The following EYS variants were observed in gnomAD, a reference collection of about 807,000 sequenced individuals.
EYS encodes the protein protein eyes shut homolog.
In EYS, 250 loss-of-function variants were observed where a neutral mutation model predicts 282.1. That is an observed-to-expected ratio of 0.89 (90% confidence interval 0.80 to 0.98). The LOEUF is 0.98. Ranked by LOEUF, EYS falls within the 50% of genes least tolerant of loss-of-function variation. The pLI is 0.00. For missense variants in EYS, 4,016 were observed against 3,709.0 expected, an observed-to-expected ratio of 1.08 and a Z score of -2.15; for synonymous variants, 1,355 against 1,282.9, an observed-to-expected ratio of 1.06 and a Z score of -1.20.
chr6:64,129,256 C>T (rs886398536), intron 31 of EYS, among the ~76,000 whole-genome samples: 5 of 152,140 alleles, frequency 3.3e-5, no homozygotes, highest in African/African-American at 1.2e-4. Flanking sequence ...TAAAAGTGTT[C>T]CTATTTCTCC....
chr6:65,103,251 A>T (rs985966577), intron 12 of EYS, among the ~76,000 whole-genome samples: 1 of 151,504 alleles, frequency 6.6e-6, no homozygotes, highest in Non-Finnish European at 1.5e-5. Context: ...TAGAATGATC[A>T]GAGGTGTTAA....
chr6:64,106,971 G>T (rs114443515), intron 31 of EYS, among the ~76,000 whole-genome samples: 3,541 of 151,120 alleles, frequency 0.023, 124 homozygotes, highest in African/African-American at 0.081. Flanking sequence ...GCCCATAATG[G>T]CATCTTTCAT....
At chr6:64,708,016 A>G (rs866094320) in intron 22 of EYS, among the ~76,000 whole-genome samples, 1 of 147,820 alleles carries the variant, frequency 6.8e-6, no homozygotes, top group Admixed American at 6.7e-5. Flanking sequence ...TATACAGCAC[A>G]AAAAAAAACC....
chr6:65,516,805 C>G (rs1036031963), intron 2 of EYS, among the ~76,000 whole-genome samples: 4 of 151,932 alleles, frequency 2.6e-5, no homozygotes, highest in Non-Finnish European at 4.4e-5. Flanking sequence ...AAATTTTTCT[C>G]AAAGAGAATA....
chr6:64,167,475 G>A (rs1764329548), intron 31 of EYS, among the ~76,000 whole-genome samples: 1 of 152,002 alleles, frequency 6.6e-6, no homozygotes, highest in Admixed American at 6.6e-5. Context: ...TTAGCACATG[G>A]GTTTATTTAT....
intron 29 of EYS, among the ~76,000 whole-genome samples, chr6:64,352,986 T>C (rs1019751137): frequency 2.0e-5 from 3 of 151,504 alleles, no homozygotes; most frequent in Admixed American, 6.6e-5. Context: ...TTATGTTCAC[T>C]AGAAATTGTG....
chr6:64,550,984 C>T (rs1765057557), intron 26 of EYS, among the ~76,000 whole-genome samples: 1 of 151,818 alleles, frequency 6.6e-6, no homozygotes, highest in Admixed American at 6.6e-5. Flanking sequence ...TTGAACTGGC[C>T]AGAAACAGAA....
intron 2 of EYS, among the ~76,000 whole-genome samples, chr6:65,531,689 C>G (rs7756463): frequency 0.3 from 45,267 of 152,016 alleles, 7,156 homozygotes; most frequent in African/African-American, 0.4. Context: ...TGTGGGCAAA[C>G]ACGGTTGGTA....
At chr6:64,163,551 G>A (rs59980244) in intron 31 of EYS, among the ~76,000 whole-genome samples, 9,195 of 151,996 alleles carry the variant, frequency 0.06, 917 homozygotes, top group African/African-American at 0.21. Flanking sequence ...TTTCAGTACA[G>A]TTTGTGCTTT....
chr6:65,217,076 T>C (rs1445530831), intron 12 of EYS, among the ~76,000 whole-genome samples: 3 of 151,984 alleles, frequency 2.0e-5, no homozygotes, highest in Admixed American at 2.0e-4. Context: ...CAAGACCAGG[T>C]GAATGAGGCA....
chr6:64,082,322 C>G (rs72876829), intron 31 of EYS, among the ~76,000 whole-genome samples: 1 of 151,864 alleles, frequency 6.6e-6, no homozygotes, highest in African/African-American at 2.4e-5. Context: ...AGTGTTTCAC[C>G]AGATTCTTTT....
At chr6:65,208,942 T>A (rs1027192677) in intron 12 of EYS, among the ~76,000 whole-genome samples, 4 of 151,802 alleles carry the variant, frequency 2.6e-5, no homozygotes, top group African/African-American at 9.7e-5. Context: ...AATAAAATAA[T>A]ATTGTAAGAT....
chr6:65,326,222 T>G (rs1200251596), intron 11 of EYS, among the ~76,000 whole-genome samples: 1 of 151,982 alleles, frequency 6.6e-6, no homozygotes, highest in African/African-American at 2.4e-5. Flanking sequence ...CTTCTCAATC[T>G]TGTGTCACGT....
At chr6:64,199,913 A>G (rs1228751547) in intron 31 of EYS, among the ~76,000 whole-genome samples, 1 of 152,162 alleles carries the variant, frequency 6.6e-6, no homozygotes, top group Non-Finnish European at 1.5e-5. Flanking sequence ...ATTGCCCAAA[A>G]CTCAAAGCAA....
chr6:64,776,998 A>G (rs1773699957), intron 22 of EYS, among the ~76,000 whole-genome samples: 1 of 152,172 alleles, frequency 6.6e-6, no homozygotes, highest in Non-Finnish European at 1.5e-5. Flanking sequence ...ACTTACAATC[A>G]TGACAGAAGG....
intron 31 of EYS, among the ~76,000 whole-genome samples, chr6:64,212,967 G>A (rs1765825826): frequency 6.6e-6 from 1 of 152,080 alleles, no homozygotes; most frequent in Admixed American, 6.6e-5. Flanking sequence ...CAGGAACATG[G>A]GTGGAGCTGG....
chr6:64,385,336 T>G (rs1772874096), intron 29 of EYS, among the ~76,000 whole-genome samples: 1 of 152,170 alleles, frequency 6.6e-6, no homozygotes, highest in Non-Finnish European at 1.5e-5. Flanking sequence ...CATACACACA[T>G]AGTTACTGTG....
intron 31 of EYS, among the ~76,000 whole-genome samples, chr6:64,142,190 C>T (rs946908620): frequency 9.2e-5 from 14 of 151,758 alleles, no homozygotes; most frequent in South Asian, 2.1e-4. Flanking sequence ...AGCAGCCCCC[C>T]GTTTATGGTC....
chr6:64,038,479 T>C (rs2149835307), intron 33 of EYS, among the ~76,000 whole-genome samples: 1 of 152,118 alleles, frequency 6.6e-6, no homozygotes. Context: ...AAAATAAAAG[T>C]CTTATCTTCT....
Sources: allele counts gnomAD v4.1 joint callset (sites outside exome capture counted in the v4.1 genomes callset), GRCh38; gene constraint gnomAD v4.1.1; transcripts MANE v1.5; gene names NCBI Gene and HGNC (gene_info 2026-07-23, HGNC 2026-07-21).